MPP4: variants seen among roughly 807,000 people sequenced by gnomAD.
MPP4 encodes MAGUK p55 scaffold protein 4, also known as MAGUK p55 subfamily member 4.
A neutral mutation model predicts 98.3 loss-of-function variants in MPP4; 91 were observed. The ratio of observed to expected loss-of-function variants is 0.93; its 90% CI spans 0.78 to 1.10. The LOEUF (loss-of-function observed/expected upper bound fraction) is 1.10, where lower values mean the gene tolerates loss of function less well. Ranked by LOEUF, MPP4 falls within the 50% of genes least tolerant of loss-of-function variation. The pLI is 0.00. For missense variants in MPP4, 744 were observed against 792.9 expected, an observed-to-expected ratio of 0.94 and a Z score of 0.74; for synonymous variants, 261 against 271.8, an observed-to-expected ratio of 0.96 and a Z score of 0.39.
intron 15 of MPP4, among the ~76,000 whole-genome samples, chr2:201,659,701 G>A (rs1687969614): frequency 6.6e-6 from 1 of 152,176 alleles, no homozygotes; most frequent in South Asian, 2.1e-4. Context: ...AGGTGTGGTG[G>A]CTTGTGCCTG....
chr2:201,679,064 C>T (rs1464603507), intron 10 of MPP4, among the ~76,000 whole-genome samples: 2 of 152,062 alleles, frequency 1.3e-5, no homozygotes, highest in East Asian at 1.9e-4. Flanking sequence ...TTCCAGCATC[C>T]CTTTCTCCTA....
intron 18 of MPP4, 87 bp from the exon 19 acceptor site, chr2:201,650,252 A>G: frequency 6.8e-7 from 1 of 1,477,998 alleles, no homozygotes; most frequent in Non-Finnish European, 8.9e-7. Flanking sequence ...TCTAATCAAA[A>G]TAAATAAATG....
Position 201,681,032 on chromosome 2 carries a change from C to T in MPP4, c.735G>A (p.Val245=), listed in dbSNP as rs199804470. 2.6e-4 allele frequency: 412 copies of T among 1,607,552 alleles called. No homozygotes were observed. In the African/African-American group the frequency reaches 4.8e-3, roughly 19 times the overall value. ...AGTACTCAGTCATGGCACGGACGTACACCTGATGGCAGGTGCATAATGACG... is the reference window on the plus strand; with the variant it reads ...AGTACTCAGTCATGGCACGGACGTATACCTGATGGCAGGTGCATAATGACG... ...SDPPVNSQQM[V]YVRAMTEYWP... The change falls in exon 10 of 22, where the codon GTG becomes GTA. Residue 245 remains valine (V), a splice_region_variant and synonymous_variant. Transcript: ENST00000409474.
At chr2:201,687,854 T>C (rs1332329560) in intron 4 of MPP4, among the ~76,000 whole-genome samples, 1 of 152,236 alleles carries the variant, frequency 6.6e-6, no homozygotes, top group Non-Finnish European at 1.5e-5. Flanking sequence ...TTTTAGAGTA[T>C]CAGTTGATTA....
At chr2:201,659,546 T>C (rs183705955) in intron 15 of MPP4, among the ~76,000 whole-genome samples, 53 of 152,270 alleles carry the variant, frequency 3.5e-4, no homozygotes, top group Non-Finnish European at 5.9e-4. Flanking sequence ...ATTGAAATAA[T>C]ATATAGCCAG....
At chr2:201,651,908 A>C (rs1249421226) in intron 18 of MPP4, 15 of 570,510 alleles carry the variant, frequency 2.6e-5, no homozygotes, top group Non-Finnish European at 3.3e-5. Flanking sequence ...AGCCGAGATA[A>C]CACCACGGCA....
At chr2:201,692,259 G>C (rs182507538) in intron 3 of MPP4, among the ~76,000 whole-genome samples, 19 of 152,166 alleles carry the variant, frequency 1.2e-4, no homozygotes, top group Non-Finnish European at 1.5e-5. Context: ...AAAAGGTAAG[G>C]CTAGCTGGGT....
chr2:201,660,409 T>C, intron 14 of MPP4, 63 bp from the exon 15 acceptor site: 2 of 1,574,210 alleles, frequency 1.3e-6, no homozygotes, highest in Non-Finnish European at 8.7e-7. Flanking sequence ...AAGATCATGT[T>C]AGCCATCAAA....
chr2:201,671,146 A>G (rs1285097522), intron 11 of MPP4, among the ~76,000 whole-genome samples: 2 of 148,530 alleles, frequency 1.3e-5, no homozygotes, highest in African/African-American at 2.4e-5. Context: ...TTGGGCAGAC[A>G]CTGAGCTAGC....
chr2:201,653,802 A>G (rs978619150), intron 18 of MPP4, among the ~76,000 whole-genome samples: 4 of 151,978 alleles, frequency 2.6e-5, no homozygotes, highest in African/African-American at 9.7e-5. Context: ...TAGCTCTCAA[A>G]TGTTAAAGCT....
intron 10 of MPP4, among the ~76,000 whole-genome samples, chr2:201,678,687 C>T (rs1203030965): frequency 6.6e-6 from 1 of 152,172 alleles, no homozygotes; most frequent in Non-Finnish European, 1.5e-5. Context: ...GGCTCCAGCA[C>T]ATCCTTGTGT....
chr2:201,669,012 T>C (rs867457208), intron 12 of MPP4, among the ~76,000 whole-genome samples: 1 of 152,058 alleles, frequency 6.6e-6, no homozygotes, highest in Non-Finnish European at 1.5e-5. Flanking sequence ...CCTTTCCAAA[T>C]TCAAGGATGA....
At chr2:201,679,425 C>T (rs1242181050) in intron 10 of MPP4, among the ~76,000 whole-genome samples, 3 of 152,154 alleles carry the variant, frequency 2.0e-5, no homozygotes, top group Admixed American at 6.5e-5. Flanking sequence ...CTTCCCAATG[C>T]CCCCTTCCCC....
chr2:201,667,301 C>T (rs1185705673), intron 12 of MPP4, among the ~76,000 whole-genome samples: 1 of 152,226 alleles, frequency 6.6e-6, no homozygotes, highest in Non-Finnish European at 1.5e-5. Flanking sequence ...ACACTGTTCC[C>T]TGTGCCTGTC....
rs182731800 is a variant in MPP4, at chr2:201,650,330, G to A, written c.1382-165C>T. Reference sequence around the variant, plus strand: ...AAGCCTGAATTGGTGATAAGTTCTCGTATCAAAATCAGTTAGTCTATAAAC... The same window carrying A: ...AAGCCTGAATTGGTGATAAGTTCTCATATCAAAATCAGTTAGTCTATAAAC... On this transcript the variant is annotated intron_variant, in intron 18 of 21. Coordinates refer to ENST00000409474, the MANE Select transcript of MPP4 (RefSeq NM_033066.3). The A allele has an allele frequency of 7.0e-5, 69 of 985,374 alleles. No homozygotes were observed. In the African/African-American group the frequency reaches 7.3e-4, roughly 10 times the overall value. The allele number at this position is 985,374 out of a possible 1,614,324, so 61.0% of individuals were successfully genotyped here.
At chr2:201,697,580 G>A (rs1185230670) in intron 1 of MPP4, among the ~76,000 whole-genome samples, 3 of 152,176 alleles carry the variant, frequency 2.0e-5, no homozygotes, top group African/African-American at 7.2e-5. Flanking sequence ...ACAAGGAGAG[G>A]CCAAGATCCA....
chr2:201,655,780 C>A (rs1687830433), intron 17 of MPP4, among the ~76,000 whole-genome samples: 1 of 152,154 alleles, frequency 6.6e-6, no homozygotes, highest in South Asian at 2.1e-4. Flanking sequence ...GAAGTAGTTA[C>A]AAATTTCTTA....
At chr2:201,678,732 G>C (rs534245467) in intron 10 of MPP4, among the ~76,000 whole-genome samples, 1 of 152,050 alleles carries the variant, frequency 6.6e-6, no homozygotes, top group Non-Finnish European at 1.5e-5. Context: ...GAGGTGGGGG[G>C]TGTGTCCTTG....
rs148373833 is a variant in MPP4 at position 201,663,214 on chromosome 2, G to A, written c.1072+867C>T. On this transcript the variant is annotated intron_variant, in intron 14 of 21. Coordinates refer to ENST00000409474, the MANE Select transcript of MPP4 (RefSeq NM_033066.3). ...AACTTTTTGTGTGTTGAAAAATGAC[G>A]CTTTTATATTTGTAACGAGTTTTGT... Among the ~76,000 whole-genome samples, 6 of 152,210 alleles carry A rather than the reference G, an allele frequency of 3.9e-5. No homozygotes were observed. The East Asian group carries it at 7.7e-4, about 20-fold the overall frequency.
Sources: gnomAD v4.1 joint callset for allele counts (sites outside exome capture counted in the v4.1 genomes callset) on GRCh38, gnomAD v4.1.1 for gene constraint, MANE v1.5 for transcripts, NCBI Gene and HGNC (gene_info 2026-07-23, HGNC 2026-07-21) for gene names.